Variants in GALNT8 observed in about 807,000 individuals in gnomAD.
The protein encoded by GALNT8 is polypeptide N-acetylgalactosaminyltransferase 8, also known as probable polypeptide N-acetylgalactosaminyltransferase 8.
In GALNT8, 66 loss-of-function variants were observed where a neutral mutation model predicts 62.7. That is an observed-to-expected ratio of 1.05 (90% confidence interval 0.86 to 1.29). The LOEUF (loss-of-function observed/expected upper bound fraction) is 1.29. Ranked by LOEUF, GALNT8 falls within the 50% of genes most tolerant of loss-of-function variation. The pLI, the probability that GALNT8 is intolerant of heterozygous loss-of-function variation, is 0.00. For synonymous variants in GALNT8, 288 were observed against 294.3 expected, an observed-to-expected ratio of 0.98 and a Z score of 0.22; for missense variants, 771 against 791.8, an observed-to-expected ratio of 0.97 and a Z score of 0.32.
intron 6 of GALNT8, among the ~76,000 whole-genome samples, chr12:4,753,201 A>C (rs997959728): frequency 1.3e-5 from 2 of 152,156 alleles, no homozygotes; most frequent in Non-Finnish European, 2.9e-5. Flanking sequence ...GGACATTGAT[A>C]TCTTTCTCTA....
intron 1 of GALNT8, among the ~76,000 whole-genome samples, chr12:4,722,990 G>T (rs1268265090): frequency 6.6e-6 from 1 of 152,040 alleles, no homozygotes; most frequent in Admixed American, 6.6e-5. Context: ...GAAAAGAAGG[G>T]AAAGTGTGAT....
chr12:4,746,367 G>A lies in GALNT8; in HGVS notation c.1173+109G>A, dbSNP rs1275573506. The A allele has an allele frequency of 1.3e-5, 9 of 714,830 alleles. No homozygotes were observed. In the East Asian group the frequency reaches 2.3e-4, roughly 19 times the overall value. The allele number at this position is 714,830 out of a possible 1,614,324, so 44.3% of individuals were successfully genotyped here. A position where few individuals can be genotyped will look rare whatever the true frequency, so the allele number is the denominator to read the frequency against. ...AAGGCTGAATGTCATTGGCTCAAAG[G>A]TGGATACATTCTTATGTTTCTAGGC... On this transcript the variant is annotated intron_variant, in intron 6 of 10. Transcript: ENST00000252318.
intron 10 of GALNT8, among the ~76,000 whole-genome samples, chr12:4,769,470 T>TA (rs1946413636): frequency 6.6e-6 from 1 of 152,162 alleles, no homozygotes; most frequent in South Asian, 2.1e-4. Context: ...TCTTAATACT[T>TA]ATCACAGTGA....
Position 4,726,751 on chromosome 12 carries a change from T to C in GALNT8, c.431T>C (p.Phe144Ser). The change falls in exon 2 of 11, where the codon TTC (phenylalanine) becomes TCC (serine). Residue 144 changes from phenylalanine to serine, a missense_variant. Transcript: ENST00000252318. This position sits in a 1 kb window ranked among gnomAD's most constrained non-coding sequence, Gnocchi z 4.1. ...CAGCAGAAGGCGGCCCAGGACCTCT[T>C]CCGGAAGTTTGGTTACAACGCGTAC... is the stretch of plus-strand genomic sequence containing the variant. ...EAQQKAAQDL[F>S]RKFGYNAYLS... is the part of the protein sequence containing the mutation. 1 of 1,613,950 alleles carries C rather than the reference T, an allele frequency of 6.2e-7. No homozygotes were observed. Among genetic ancestry groups the C allele is most frequent in the South Asian group, 1.1e-5 (1 of 91,072 alleles).
In GALNT8 at chr12:4,761,088, T is replaced by C. The variant is rs1946370275; in HGVS notation, c.1304T>C (p.Ile435Thr). The C allele has an allele frequency of 6.2e-7, 1 of 1,614,014 alleles. No individual in the cohort carries two copies. The highest frequency in any genetic ancestry group is 1.1e-5 in the South Asian group (1 of 91,068). The change falls in exon 7 of 11, where the codon ATC (isoleucine) becomes ACC (threonine). Residue 435 changes from isoleucine (I) to threonine (T), a missense_variant. By Grantham distance (89) the Ile-to-Thr change is moderately conservative. Coordinates refer to ENST00000252318, the MANE Select transcript of GALNT8 (RefSeq NM_017417.2). ...LKRNALRVAEIWMDEHKHMVY... is the reference protein window; with the variant it reads ...LKRNALRVAETWMDEHKHMVY... The stretch of plus-strand genomic sequence containing the variant: ...CGCAATGCTCTGCGAGTGGCCGAAA[T>C]CTGGATGGATGAGCACAAACACATG...
chr12:4,744,330 T>A (rs1946285915), intron 3 of GALNT8, among the ~76,000 whole-genome samples, 187 bp from the exon 4 acceptor site: 1 of 152,212 alleles, frequency 6.6e-6, no homozygotes, highest in African/African-American at 2.4e-5. Flanking sequence ...ATGATCACAG[T>A]ACACCTCAGG....
At chr12:4,762,618 C>T (rs2137542720) in intron 7 of GALNT8, among the ~76,000 whole-genome samples, 1 of 152,266 alleles carries the variant, frequency 6.6e-6, no homozygotes, top group African/African-American at 2.4e-5. Flanking sequence ...ACTATGCAGG[C>T]CTTGAAGGAG....
Position 4,746,157 on chromosome 12 carries a change from A to T in GALNT8, c.1072A>T (p.Met358Leu), listed in dbSNP as rs757922931. The T allele has an allele frequency of 1.7e-5, 28 of 1,606,298 alleles. No homozygotes were observed. The highest frequency in any genetic ancestry group is 2.3e-5 in the Non-Finnish European group (27 of 1,173,046). Residue 358 changes from methionine (M) to leucine (L), a missense_variant, in exon 6 of 11, where the codon ATG (methionine) becomes TTG (leucine). Transcript: ENST00000252318. ...TGTGCTCTGTAGGAGTCCTTCAATC[A>T]TGGGCATCCTGGCTGCTAACAGGCA... ...VTAPVKSPSI[M>L]GILAANRHFL...
chr12:4,741,157 T>TG (rs1412772000), intron 3 of GALNT8, among the ~76,000 whole-genome samples: 6 of 152,218 alleles, frequency 3.9e-5, no homozygotes, highest in African/African-American at 1.4e-4. Context: ...GATAGGTTAT[T>TG]GTACCTTCCT....
chr12:4,772,568 A>G lies in GALNT8; in HGVS notation c.1885A>G (p.Arg629Gly). Residue 629 changes from arginine to glycine, a missense_variant, in exon 11 of 11, where the codon AGA becomes GGA. Coordinates refer to ENST00000252318, the MANE Select transcript of GALNT8 (RefSeq NM_017417.2). ...AGTGTGGGAAATCCAGCACACTGTC[A>G]GAGACTGGGGTCAGACCAACAGCCA... is the stretch of plus-strand genomic sequence containing the variant. ...TQVWEIQHTVRDWGQTNSQ is the reference protein window; with the variant it reads ...TQVWEIQHTVGDWGQTNSQ 1.2e-6 allele frequency: 2 copies of G among 1,613,882 alleles called. No individual in the cohort carries two copies. Among genetic ancestry groups the G allele is most frequent in the Non-Finnish European group, 1.7e-6 (2 of 1,179,876 alleles).
intron 6 of GALNT8, among the ~76,000 whole-genome samples, chr12:4,754,055 G>C (rs1300732176): frequency 6.6e-6 from 1 of 152,144 alleles, no homozygotes; most frequent in Non-Finnish European, 1.5e-5. Flanking sequence ...CTCTCTTTCT[G>C]TTCTGAGCTA....
chr12:4,755,016 A>G (rs1236320750), intron 6 of GALNT8, among the ~76,000 whole-genome samples: 1 of 152,154 alleles, frequency 6.6e-6, no homozygotes, highest in East Asian at 1.9e-4. Flanking sequence ...CCTCAAGTGG[A>G]AGGAAGGGGT....
intron 6 of GALNT8, among the ~76,000 whole-genome samples, chr12:4,758,606 CTGTGTG>C (rs67025688): frequency 0.017 from 1,975 of 113,460 alleles, 43 homozygotes; most frequent in African/African-American, 0.056. Context: ...CTTAATGTCT[CTGTGTG>C]TGTGTGTGTG....
At position 4,744,522 on chromosome 12, in the gene GALNT8, C is replaced by T; in HGVS notation, c.682C>T (p.Leu228=). The T allele has an allele frequency of 6.2e-7, 1 of 1,604,500 alleles. No homozygotes were observed. The highest frequency in any genetic ancestry group is 8.5e-7 in the Non-Finnish European group (1 of 1,174,744). ...LVDDFSSNGE[L]KVHLDEKIKL... is the part of the protein sequence containing the mutation. ...GGTGTGCACTTGATTGACAGGAGAA[C>T]TAAAGGTACACTTGGATGAGAAGAT... Residue 228 remains leucine, a synonymous_variant, in exon 4 of 11, where the codon CTA becomes TTA. Coordinates refer to ENST00000252318, the MANE Select transcript of GALNT8 (RefSeq NM_017417.2).
intron 3 of GALNT8, among the ~76,000 whole-genome samples, chr12:4,741,328 C>G (rs1390749648): frequency 6.6e-6 from 1 of 151,926 alleles, no homozygotes; most frequent in Non-Finnish European, 1.5e-5. Context: ...CGCTGAAAAC[C>G]AAAGAAAAGA....
chr12:4,720,848 A>AAAGAG lies in GALNT8; in HGVS notation c.173_177dup (p.Leu60ArgfsTer13), dbSNP rs759349012. On this transcript the variant is annotated frameshift_variant, in exon 1 of 11. Coordinates refer to ENST00000252318, the MANE Select transcript of GALNT8 (RefSeq NM_017417.2). LOFTEE classifies it high-confidence loss of function. Reference sequence around the variant, plus strand: ...TGAATAAACGCTACGGGGCAGTGATAAAGAGACTCTCCCACTTGGAGGTGG... The same window carrying AAAGAG: ...TGAATAAACGCTACGGGGCAGTGATAAAGAGAAGAGACTCTCCCACTTGGAGGTGG... 10 of 1,609,878 alleles carry AAAGAG rather than the reference A, an allele frequency of 6.2e-6. No individual in the cohort carries two copies. Among genetic ancestry groups the AAAGAG allele is most frequent in the Non-Finnish European group, 8.5e-6 (10 of 1,176,154 alleles).
intron 6 of GALNT8, among the ~76,000 whole-genome samples, chr12:4,760,656 C>T (rs1268122576): frequency 1.3e-5 from 2 of 152,170 alleles, no homozygotes; most frequent in African/African-American, 4.8e-5. Flanking sequence ...CCTCTCAGGA[C>T]ATGGGCACTT....
Position 4,745,412 on chromosome 12 carries a change from G to T in GALNT8, c.861-17G>T. ...TCCTCATATCCAAGCTGGGCTTTCT[G>T]CACACTCTTGTTCTAGGGCAGAGCC... is the stretch of plus-strand genomic sequence containing the variant. On this transcript the variant is annotated splice_polypyrimidine_tract_variant and intron_variant, in intron 4 of 10. Coordinates refer to ENST00000252318, the MANE Select transcript of GALNT8 (RefSeq NM_017417.2). 2 of 1,561,660 alleles carry T rather than the reference G, an allele frequency of 1.3e-6. No homozygotes were observed. The highest frequency in any genetic ancestry group is 1.8e-6 in the Non-Finnish European group (2 of 1,132,348).
Position 4,729,589 on chromosome 12 carries a change from T to C in GALNT8, c.509+2760T>C, listed in dbSNP as rs562547967. On this transcript the variant is annotated intron_variant, in intron 2 of 10. Coordinates refer to ENST00000252318, the MANE Select transcript of GALNT8 (RefSeq NM_017417.2). ...ACATAATGTACTCCACATTTATCCA[T>C]GTTGTCACAAAAGACAGAATTTCCT... Among the ~76,000 whole-genome samples the C allele has an allele frequency of 2.6e-5, 4 of 152,318 alleles. No homozygotes were observed. The South Asian group carries it at 8.3e-4, about 32-fold the overall frequency.
Sources: gnomAD v4.1 joint callset for allele counts (sites outside exome capture counted in the v4.1 genomes callset) on GRCh38, gnomAD v4.1.1 for gene constraint, Gnocchi (gnomAD v3.1) non-coding constraint, MANE v1.5 for transcripts, NCBI Gene and HGNC (gene_info 2026-07-23, HGNC 2026-07-21) for gene names.